SLC16A9: variants seen among roughly 807,000 people sequenced by gnomAD.
SLC16A9 encodes solute carrier family 16 member 9, also known as monocarboxylate transporter 9.
SLC16A9 carries 26 observed loss-of-function variants against 44.3 expected under a neutral mutation model. The observed-to-expected ratio is 0.59, with a 90% CI of 0.43 to 0.81. The LOEUF is 0.81. Among genes scored for constraint, SLC16A9 ranks in the 40% least tolerant of loss-of-function variants. The probability of loss-of-function intolerance (pLI) is 0.00; values close to 1 mark genes in which losing one functional copy is unlikely to be tolerated. For synonymous variants in SLC16A9, 230 were observed against 225.1 expected (o/e 1.02, Z -0.19); for missense variants, 559 against 595.8 (o/e 0.94, Z 0.64).
intron 1 of SLC16A9, among the ~76,000 whole-genome samples, chr10:59,694,514 A>G (rs1840326162): frequency 1.3e-5 from 2 of 151,878 alleles, no homozygotes; most frequent in African/African-American, 4.8e-5. Flanking sequence ...AGTATACTAA[A>G]TATTCAGCCA....
chr10:59,668,051 CT>C (rs1839661677), intron 3 of SLC16A9, among the ~76,000 whole-genome samples: 1 of 152,058 alleles, frequency 6.6e-6, no homozygotes, highest in African/African-American at 2.4e-5. Flanking sequence ...TGCACTAACA[CT>C]GCCTCAGTTC....
chr10:59,658,984 A>G (rs1357310888), intron 4 of SLC16A9, among the ~76,000 whole-genome samples: 1 of 152,188 alleles, frequency 6.6e-6, no homozygotes, highest in Non-Finnish European at 1.5e-5. Flanking sequence ...CCTACCAGCA[A>G]GAAGCATATG....
intron 2 of SLC16A9, among the ~76,000 whole-genome samples, chr10:59,676,810 C>T (rs561845612): frequency 4.8e-4 from 72 of 151,468 alleles, no homozygotes; most frequent in Non-Finnish European, 9.1e-4. Flanking sequence ...GTAATCCCAG[C>T]TACTCGGTAG....
At chr10:59,672,658 T>C (rs1339697342) in intron 3 of SLC16A9, 112 bp downstream of exon 3, 30 of 1,092,122 alleles carry the variant, frequency 2.7e-5, no homozygotes, top group Non-Finnish European at 3.8e-5. Context: ...TGAAAGTAAA[T>C]TATTAGTGAG....
At chr10:59,696,467 C>T (rs1486482238) in intron 1 of SLC16A9, among the ~76,000 whole-genome samples, 2 of 152,216 alleles carry the variant, frequency 1.3e-5, no homozygotes, top group African/African-American at 4.8e-5. Context: ...CCTCCACCTC[C>T]CAGCTGCCTG....
intron 4 of SLC16A9, among the ~76,000 whole-genome samples, chr10:59,654,858 G>A (rs1043886717): frequency 6.6e-6 from 1 of 152,102 alleles, no homozygotes; most frequent in Non-Finnish European, 1.5e-5. Flanking sequence ...CATTGAGTAG[G>A]TCCTATTATT....
At chr10:59,661,275 C>G (rs1231191190) in intron 4 of SLC16A9, among the ~76,000 whole-genome samples, 1 of 152,216 alleles carries the variant, frequency 6.6e-6, no homozygotes, top group African/African-American at 2.4e-5. Flanking sequence ...AGCCCGAAAT[C>G]TCCTGAAGCT....
chr10:59,678,540 C>CTTTTTTTTTTTTTTTTTTTTTT (rs1426559419), intron 2 of SLC16A9, among the ~76,000 whole-genome samples: 3 of 22,332 alleles, frequency 1.3e-4, no homozygotes, highest in Admixed American at 5.1e-4. Flanking sequence ...TTTTCTTTTT[C>CTTTTTTTTTTTTTTTTTTTTTT]TTTTTCTTTT....
At position 59,650,823 on chromosome 10, in the gene SLC16A9, A is replaced by T; in HGVS notation, c.*1949T>A. ...AAATTCATCCCCTAGACAACAGATAACGCCCACATTGGATGTTATTTAGCA... is the reference window on the plus strand; with the variant it reads ...AAATTCATCCCCTAGACAACAGATATCGCCCACATTGGATGTTATTTAGCA... On this transcript the variant is annotated 3_prime_UTR_variant, in exon 6 of 6. Coordinates refer to ENST00000395348, the MANE Select transcript of SLC16A9 (RefSeq NM_194298.3). 1 of 152,170 alleles carries T rather than the reference A, an allele frequency of 6.6e-6. No individual in the cohort carries two copies. The highest frequency in any genetic ancestry group is 1.9e-4 in the East Asian group (1 of 5,194). The allele number at this position is 152,170 out of a possible 1,614,324, so 9.4% of individuals were successfully genotyped here.
chr10:59,700,876 G>C (rs532858739), intron 1 of SLC16A9, among the ~76,000 whole-genome samples: 109 of 152,094 alleles, frequency 7.2e-4, no homozygotes, highest in African/African-American at 2.6e-3. Flanking sequence ...ATGAACCACT[G>C]CCCCCTTGGC....
At chr10:59,679,448 A>C (rs1048513137) in intron 2 of SLC16A9, among the ~76,000 whole-genome samples, 2 of 152,172 alleles carry the variant, frequency 1.3e-5, no homozygotes, top group South Asian at 2.1e-4. Context: ...ACCAAGTCAA[A>C]AATTTGCAGA....
intron 3 of SLC16A9, among the ~76,000 whole-genome samples, chr10:59,669,392 A>G (rs562289221): frequency 1.3e-5 from 2 of 152,322 alleles, no homozygotes; most frequent in East Asian, 3.9e-4. Flanking sequence ...ATTTCTAATG[A>G]GCTTGTTGGC....
chr10:59,680,371 T>C (rs1839960765), intron 2 of SLC16A9, among the ~76,000 whole-genome samples: 1 of 152,232 alleles, frequency 6.6e-6, no homozygotes, highest in African/African-American at 2.4e-5. Flanking sequence ...AGTAGGACTT[T>C]ATGTTTCACA....
At chr10:59,692,054 T>G (rs1272122748) in intron 1 of SLC16A9, among the ~76,000 whole-genome samples, 1 of 152,226 alleles carries the variant, frequency 6.6e-6, no homozygotes, top group Non-Finnish European at 1.5e-5. Flanking sequence ...CCTTAAAGAT[T>G]CATAGATAGA....
intron 1 of SLC16A9, among the ~76,000 whole-genome samples, chr10:59,703,779 C>A (rs897646423): frequency 6.6e-6 from 1 of 150,396 alleles, no homozygotes; most frequent in African/African-American, 2.5e-5. Flanking sequence ...AGTGCAGTGG[C>A]GAGATCTCGG....
In SLC16A9 at chr10:59,652,667, G is replaced by T; in HGVS notation, c.*105C>A. 1 of 1,021,978 alleles carries T rather than the reference G, an allele frequency of 9.8e-7. No homozygotes were observed. The highest frequency in any genetic ancestry group is 1.4e-6 in the Non-Finnish European group (1 of 716,646). 63.3% of individuals were successfully genotyped at this position (1,021,978 alleles called of 1,614,324 possible). A position where few individuals can be genotyped will look rare whatever the true frequency, so the allele number is the denominator to read the frequency against. On this transcript the variant is annotated 3_prime_UTR_variant, in exon 6 of 6. Coordinates refer to ENST00000395348, the MANE Select transcript of SLC16A9 (RefSeq NM_194298.3). ...TCAGAGTCAGTCATTGTGAAATTTT[G>T]CTATGAGAAAATAGTCTTGACTCTA...
At chr10:59,684,404 TC>T in intron 1 of SLC16A9, 77 bp from the exon 2 acceptor site, 3 of 619,744 alleles carry the variant, frequency 4.8e-6, no homozygotes, top group Non-Finnish European at 7.4e-6. Flanking sequence ...AAATATCTCC[TC>T]CTAAAGTGAA....
intron 1 of SLC16A9, among the ~76,000 whole-genome samples, chr10:59,685,250 T>C (rs1283511470): frequency 6.6e-6 from 1 of 152,216 alleles, no homozygotes; most frequent in Non-Finnish European, 1.5e-5. Flanking sequence ...ACATAGGATG[T>C]ATACATATGG....
intron 1 of SLC16A9, among the ~76,000 whole-genome samples, chr10:59,686,241 A>C (rs879831772): frequency 1.6e-4 from 25 of 152,052 alleles, no homozygotes; most frequent in Non-Finnish European, 2.4e-4. Flanking sequence ...CCATATTTTA[A>C]TCTCTAATGG....
Sources: gnomAD v4.1 joint callset for allele counts (sites outside exome capture counted in the v4.1 genomes callset) on GRCh38, gnomAD v4.1.1 for gene constraint, MANE v1.5 for transcripts, NCBI Gene and HGNC (gene_info 2026-07-23, HGNC 2026-07-21) for gene names.